ADAM9: variants seen among roughly 807,000 people sequenced by gnomAD.
ADAM9 encodes ADAM metallopeptidase domain 9.
In ADAM9, 54 loss-of-function variants were observed where a neutral mutation model predicts 108.1. That is an observed-to-expected ratio of 0.50 (90% CI 0.40 to 0.63). The LOEUF (loss-of-function observed/expected upper bound fraction) is 0.63. Ranked by LOEUF, ADAM9 falls within the 20% of genes least tolerant of loss-of-function variation. ADAM9 has a pLI of 0.00. For synonymous variants in ADAM9, 316 were observed against 336.0 expected (o/e 0.94, Z 0.65); for missense variants, 830 against 997.7 (o/e 0.83, Z 2.26).
intron 11 of ADAM9, among the ~76,000 whole-genome samples, chr8:39,032,861 C>T (rs1270520732): frequency 6.6e-6 from 1 of 152,232 alleles, no homozygotes; most frequent in African/African-American, 2.4e-5. Flanking sequence ...CAGGTAGCAC[C>T]AGTCCTCCAA....
At chr8:39,016,923 G>A in intron 5 of ADAM9, 1 of 397,672 alleles carries the variant, frequency 2.5e-6, no homozygotes, top group South Asian at 2.5e-5. Flanking sequence ...TCAGACTCTT[G>A]TCCTCTGGTC....
intron 20 of ADAM9, among the ~76,000 whole-genome samples, chr8:39,098,369 A>G (rs1049417814): frequency 2.6e-5 from 4 of 152,172 alleles, no homozygotes; most frequent in African/African-American, 7.2e-5. Flanking sequence ...CTGTCTCATT[A>G]TCTAATTAAC....
At chr8:39,025,754 G>A in intron 9 of ADAM9, 49 bp from the exon 10 acceptor site, 5 of 1,534,698 alleles carry the variant, frequency 3.3e-6, no homozygotes, top group Non-Finnish European at 4.5e-6. Context: ...AAAGCAATGT[G>A]TTCCTTTTTT....
At chr8:39,050,839 T>G (rs966169050) in intron 12 of ADAM9, among the ~76,000 whole-genome samples, 6 of 150,178 alleles carry the variant, frequency 4.0e-5, no homozygotes, top group African/African-American at 1.2e-4. Context: ...TGTTTTTTTT[T>G]TTTTTTTTTT....
At chr8:39,039,372 C>A (rs1837385092) in intron 11 of ADAM9, among the ~76,000 whole-genome samples, 1 of 152,154 alleles carries the variant, frequency 6.6e-6, no homozygotes, top group African/African-American at 2.4e-5. Context: ...TTAACACATC[C>A]ATCATTCCAC....
intron 15 of ADAM9, chr8:39,075,935 ATG>A (rs1291656686): frequency 6.6e-6 from 1 of 152,250 alleles, no homozygotes; most frequent in Non-Finnish European, 1.5e-5. Context: ...ATAAGAATAA[ATG>A]TAAAGTTGGG....
At chr8:39,062,467 A>G (rs1838328402) in intron 14 of ADAM9, among the ~76,000 whole-genome samples, 2 of 152,154 alleles carry the variant, frequency 1.3e-5, no homozygotes, top group South Asian at 2.1e-4. Flanking sequence ...GAAGCTGCCT[A>G]TCTTGCTTCT....
At chr8:39,014,573 T>C (rs1836464415) in intron 4 of ADAM9, 1 of 702,588 alleles carries the variant, frequency 1.4e-6, no homozygotes, top group Admixed American at 2.0e-5. Context: ...TTGGCAGATG[T>C]CAAATTTGGC....
chr8:39,028,393 G>A (rs994395877), intron 11 of ADAM9, among the ~76,000 whole-genome samples: 8 of 152,116 alleles, frequency 5.3e-5, no homozygotes, highest in African/African-American at 1.4e-4. Flanking sequence ...TGTAAGGAAC[G>A]TCATATGTTT....
intron 1 of ADAM9, among the ~76,000 whole-genome samples, chr8:39,004,435 G>A (rs1052360075): frequency 2.0e-5 from 3 of 152,074 alleles, no homozygotes; most frequent in African/African-American, 7.2e-5. Flanking sequence ...GGCTGGTCTT[G>A]AGCTCTTGGG....
intron 12 of ADAM9, among the ~76,000 whole-genome samples, chr8:39,044,723 T>C (rs1837560323): frequency 1.3e-5 from 2 of 152,296 alleles, no homozygotes; most frequent in East Asian, 1.9e-4. Context: ...AGTGAGAATA[T>C]GCAGTGTTTG....
chr8:39,095,832 T>C (rs1411320678), intron 20 of ADAM9, among the ~76,000 whole-genome samples: 1 of 152,166 alleles, frequency 6.6e-6, no homozygotes, highest in African/African-American at 2.4e-5. Context: ...TTACAGTTGT[T>C]ATATCCTTGT....
chr8:39,098,979 C>T (rs995242007), intron 20 of ADAM9, among the ~76,000 whole-genome samples: 6 of 152,002 alleles, frequency 3.9e-5, no homozygotes, highest in Admixed American at 2.6e-4. Context: ...TTTTTTGCCA[C>T]ACAAATGTTA....
In ADAM9 at chr8:38,997,097, C is replaced by G; in HGVS notation, c.34C>G (p.Leu12Val). The G allele has an allele frequency of 6.2e-7, 1 of 1,607,044 alleles. No individual in the cohort carries two copies. The highest frequency in any genetic ancestry group is 2.2e-5 in the East Asian group (1 of 44,802). ...GSGARFPSGT[L>V]RVRWLLLLGL... Reference sequence around the variant, plus strand: ...TGGCGCGCGCTTTCCCTCGGGGACCCTTCGTGTCCGGTGGTTGCTGTTGCT... The same window carrying G: ...TGGCGCGCGCTTTCCCTCGGGGACCGTTCGTGTCCGGTGGTTGCTGTTGCT... The change falls in exon 1 of 22, where the codon CTT (leucine) becomes GTT (valine). Residue 12 changes from leucine to valine, a missense_variant. By Grantham distance (32) the Leu-to-Val change is conservative. Coordinates refer to ENST00000487273, the MANE Select transcript of ADAM9 (RefSeq NM_003816.3).
chr8:39,079,247 G>A (rs1838943642), intron 16 of ADAM9, among the ~76,000 whole-genome samples: 1 of 152,138 alleles, frequency 6.6e-6, no homozygotes, highest in Non-Finnish European at 1.5e-5. Flanking sequence ...TGGCACCACA[G>A]GTGTAACCAG....
chr8:39,054,605 A>C, intron 13 of ADAM9, 32 bp downstream of exon 13: 1 of 1,246,180 alleles, frequency 8.0e-7, no homozygotes, highest in Non-Finnish European at 1.1e-6. Flanking sequence ...GAAACAGGAA[A>C]AAAAAAAAAA....
intron 12 of ADAM9, among the ~76,000 whole-genome samples, chr8:39,045,703 C>T (rs556665243): frequency 2.6e-5 from 4 of 151,912 alleles, no homozygotes; most frequent in East Asian, 1.9e-4. Flanking sequence ...TTTTACATAA[C>T]GATTTATTTT....
At chr8:39,041,269 T>C (rs1837448363) in intron 11 of ADAM9, among the ~76,000 whole-genome samples, 1 of 152,168 alleles carries the variant, frequency 6.6e-6, no homozygotes, top group Admixed American at 6.5e-5. Context: ...AAAATTGCAT[T>C]TATATAAATC....
chr8:39,057,728 A>G (rs1237026466), intron 14 of ADAM9, among the ~76,000 whole-genome samples: 1 of 152,152 alleles, frequency 6.6e-6, no homozygotes, highest in Admixed American at 6.5e-5. Context: ...GTTCAAGTTT[A>G]AAATTGATTG....
Sources: allele counts gnomAD v4.1 joint callset (sites outside exome capture counted in the v4.1 genomes callset), GRCh38; gene constraint gnomAD v4.1.1; transcripts MANE v1.5; gene names NCBI Gene and HGNC (gene_info 2026-07-23, HGNC 2026-07-21).